DIPK1C: variants seen among roughly 807,000 people sequenced by gnomAD.
The protein encoded by DIPK1C is familial non-conventional Alzheimer's dementia.
Under a neutral mutation model 28.0 loss-of-function variants are expected in DIPK1C, and 33 were observed. The ratio of observed to expected loss-of-function variants is 1.18; its 90% CI spans 0.89 to 1.58. The LOEUF (loss-of-function observed/expected upper bound fraction) is 1.58. DIPK1C is among the 40% of genes most tolerant of loss of function. The pLI, the probability that DIPK1C is intolerant of heterozygous loss-of-function variation, is 0.00. For synonymous variants in DIPK1C, 255 were observed against 248.8 expected, an observed-to-expected ratio of 1.02 and a Z score of -0.23; for missense variants, 569 against 568.5, an observed-to-expected ratio of 1.00 and a Z score of -0.01.
At chr18:74,456,926 C>T in intron 1 of DIPK1C, 136 bp downstream of exon 1, 1 of 963,368 alleles carries the variant, frequency 1.0e-6, no homozygotes, top group Non-Finnish European at 1.4e-6. Flanking sequence ...TCTGGCACTC[C>T]ACGCAGGTGT....
At chr18:74,462,170 G>A (rs1431369592), upstream of DIPK1C, among the ~76,000 whole-genome samples, 1 of 152,196 alleles carries the variant, frequency 6.6e-6, no homozygotes, top group Admixed American at 6.5e-5. Flanking sequence ...GCAGAGTTCT[G>A]CAGCCATCAC....
intron 3 of DIPK1C, among the ~76,000 whole-genome samples, chr18:74,437,230 G>A (rs988547700): frequency 2.6e-5 from 4 of 152,178 alleles, no homozygotes; most frequent in Non-Finnish European, 5.9e-5. Flanking sequence ...GGAGAAGTGT[G>A]TGAACTTGTA....
chr18:74,457,099 CA>C lies in DIPK1C; in HGVS notation c.160del (p.Cys54AlafsTer96). The C allele has an allele frequency of 6.8e-7, 1 of 1,469,488 alleles. No homozygotes were observed. The allele number at this position is 1,469,488 out of a possible 1,614,324, so 91.0% of individuals were successfully genotyped here. Reference protein sequence around the residue: ...RAHPGVLSERCTDEKSRRILA... With the variant: ...RAHPGVLSERXTDEKSRRILA... ...GATGCGCCGGCTCTTCTCGTCGGTG[CA>C]GCGCTCGGAGAGGACACCCGGGTGC... On this transcript the variant is annotated frameshift_variant, in exon 1 of 4. Transcript: ENST00000343998. LOFTEE classifies it high-confidence loss of function.
Position 74,447,120 on chromosome 18 carries a change from GCCT to G in DIPK1C, c.359_361del (p.Glu120del), listed in dbSNP as rs1398854880. 9 of 1,550,556 alleles carry G rather than the reference GCCT, an allele frequency of 5.8e-6. No homozygotes were observed. The highest frequency in any genetic ancestry group is 7.8e-6 in the Non-Finnish European group (9 of 1,146,982). On this transcript the variant is annotated inframe_deletion, in exon 2 of 4. Coordinates refer to ENST00000343998, the MANE Select transcript of DIPK1C (RefSeq NM_001044369.3). The surrounding 1 kb of genome is among the most constrained non-coding windows in gnomAD (Gnocchi z 4.1). Reference sequence around the variant, plus strand: ...GCTGAGGGGCGGGAAGCTGGAGAAGGCCTCCTCCTTGGACTTGAGGACCACGGG... The same window carrying G: ...GCTGAGGGGCGGGAAGCTGGAGAAGGCCTCCTTGGACTTGAGGACCACGGG...
At chr18:74,463,808 C>A in the DIPK1C span, among the ~76,000 whole-genome samples, 1 of 152,170 alleles carries the variant, frequency 6.6e-6, no homozygotes. Context: ...CATTGTTAAG[C>A]CTGCCCAAAA....
chr18:74,454,758 G>T (rs1480528223), intron 1 of DIPK1C, among the ~76,000 whole-genome samples: 3 of 152,232 alleles, frequency 2.0e-5, no homozygotes, highest in Admixed American at 2.0e-4. Context: ...AGTTGGGATT[G>T]TGAAGATTGG....
chr18:74,442,079 G>A lies in DIPK1C; in HGVS notation c.914C>T (p.Pro305Leu), dbSNP rs568779771. Residue 305 changes from proline (P) to leucine (L), a missense_variant, in exon 3 of 4, where the codon CCT (proline) becomes CTT (leucine). Pro to Leu is a moderately conservative substitution (Grantham distance 98). Coordinates refer to ENST00000343998, the MANE Select transcript of DIPK1C (RefSeq NM_001044369.3). ...TTGCTCAAGGATTTCCCTCATTTTA[G>A]GTTCAAAAAAGGCCATGTCCACATC... ...AIDVDMAFFE[P>L]KMREILEQNC... 298 of 1,613,586 alleles carry A rather than the reference G, an allele frequency of 1.8e-4. 6 individuals carry two copies. In the South Asian group the frequency reaches 3.2e-3, roughly 17 times the overall value.
upstream of DIPK1C, among the ~76,000 whole-genome samples, chr18:74,461,324 T>G (rs1173650135): frequency 6.8e-6 from 1 of 146,900 alleles, no homozygotes; most frequent in African/African-American, 2.6e-5. Context: ...TTTTTTCTTT[T>G]TCTTTTCCTT....
chr18:74,461,360 C>CTTCCTTCA (rs1283870707), upstream of DIPK1C, among the ~76,000 whole-genome samples: 1 of 145,318 alleles, frequency 6.9e-6, no homozygotes, highest in Admixed American at 7.0e-5. Flanking sequence ...TCCTTCCTTC[C>CTTCCTTCA]TTCCTTCCTT....
At chr18:74,455,736 G>GA (rs1277479013) in intron 1 of DIPK1C, among the ~76,000 whole-genome samples, 1 of 138,060 alleles carries the variant, frequency 7.2e-6, no homozygotes, top group Non-Finnish European at 1.5e-5. Flanking sequence ...AAAAAAAAAA[G>GA]AAAAAGAAAA....
chr18:74,442,720 T>C (rs1258082802), intron 2 of DIPK1C, among the ~76,000 whole-genome samples: 1 of 152,212 alleles, frequency 6.6e-6, no homozygotes, highest in African/African-American at 2.4e-5. Context: ...AAGCCCAGGA[T>C]TTGGAACTAT....
At chr18:74,444,736 T>G (rs1986220784) in intron 2 of DIPK1C, among the ~76,000 whole-genome samples, 2 of 152,190 alleles carry the variant, frequency 1.3e-5, no homozygotes, top group Non-Finnish European at 2.9e-5. Flanking sequence ...GGACTCCTCC[T>G]GCCCTCCCCT....
At chr18:74,455,487 C>A (rs1195654002) in intron 1 of DIPK1C, among the ~76,000 whole-genome samples, 2 of 151,960 alleles carry the variant, frequency 1.3e-5, no homozygotes, top group African/African-American at 4.8e-5. Flanking sequence ...AGAGCTCTTG[C>A]AACTTAAAAC....
intron 1 of DIPK1C, among the ~76,000 whole-genome samples, chr18:74,449,757 ATC>A (rs1986357489): frequency 6.6e-6 from 1 of 152,164 alleles, no homozygotes; most frequent in Admixed American, 6.5e-5. Flanking sequence ...GGAAACCCAC[ATC>A]CTTTAGGAAG....
chr18:74,459,493 C>T (rs571329843), upstream of DIPK1C, among the ~76,000 whole-genome samples: 13 of 152,268 alleles, frequency 8.5e-5, no homozygotes, highest in Middle Eastern at 6.8e-3. Flanking sequence ...TAGGTTGATA[C>T]CACAGGAAGT....
chr18:74,460,523 A>G (rs1199369887), upstream of DIPK1C, among the ~76,000 whole-genome samples: 1 of 152,194 alleles, frequency 6.6e-6, no homozygotes. Flanking sequence ...TTCTAATTTT[A>G]TTTCAGATAA....
upstream of DIPK1C, among the ~76,000 whole-genome samples, chr18:74,461,148 A>T (rs1177901662): frequency 6.6e-6 from 1 of 151,976 alleles, no homozygotes; most frequent in African/African-American, 2.4e-5. Flanking sequence ...GGATCCTGTC[A>T]TTTTTCTTTT....
intron 1 of DIPK1C, among the ~76,000 whole-genome samples, chr18:74,456,066 T>G (rs939057504): frequency 6.6e-6 from 1 of 152,230 alleles, no homozygotes; most frequent in African/African-American, 2.4e-5. Flanking sequence ...TTCTTGAAGA[T>G]TTTTTAGAAA....
At chr18:74,463,678 C>T in the DIPK1C span, among the ~76,000 whole-genome samples, 6 of 152,290 alleles carry the variant, frequency 3.9e-5, no homozygotes, top group African/African-American at 1.4e-4. Flanking sequence ...CAGGGGAAAA[C>T]ATATCGTGCT....
Sources: allele counts gnomAD v4.1 joint callset (sites outside exome capture counted in the v4.1 genomes callset), GRCh38; gene constraint gnomAD v4.1.1; non-coding constraint Gnocchi (gnomAD v3.1); transcripts MANE v1.5; gene names NCBI Gene and HGNC (gene_info 2026-07-23, HGNC 2026-07-21).